CDC20B: variants seen among roughly 807,000 people sequenced by gnomAD.
CDC20B encodes cell division cycle 20B.
Under a neutral mutation model 64.1 loss-of-function variants are expected in CDC20B, and 58 were observed. The ratio of observed to expected loss-of-function variants is 0.90; its 90% confidence interval spans 0.73 to 1.13. The LOEUF (loss-of-function observed/expected upper bound fraction) is 1.13, where lower values mean the gene tolerates loss of function less well. Among genes scored for constraint, CDC20B ranks in the 50% most tolerant of loss-of-function variants. The pLI, the probability that CDC20B is intolerant of heterozygous loss-of-function variation, is 0.00. For synonymous variants in CDC20B, 243 were observed against 230.6 expected (o/e 1.05, Z -0.49); for missense variants, 597 against 633.0 (o/e 0.94, Z 0.61).
chr5:55,123,845 A>T (rs1255855344), intron 9 of CDC20B, among the ~76,000 whole-genome samples: 1 of 152,218 alleles, frequency 6.6e-6, no homozygotes, highest in African/African-American at 2.4e-5. Context: ...CATTCTCAAT[A>T]TCCTGTAGAC....
In CDC20B at chr5:55,114,114, AT is replaced by A. The variant is rs1160598791; in HGVS notation, c.*103del. ...AACAGGCATTCACATCAAGAAGAGT[AT>A]TTCAACTTGTTTGATACTCATAAAA... On this transcript the variant is annotated 3_prime_UTR_variant, in exon 12 of 12. Transcript: ENST00000381375. The surrounding 1 kb of genome is among the most constrained non-coding windows in gnomAD (Gnocchi z 4.1). The A allele has an allele frequency of 6.8e-7, 1 of 1,463,166 alleles. No individual in the cohort carries two copies. Among genetic ancestry groups the A allele is most frequent in the East Asian group, 2.6e-5 (1 of 38,876 alleles). 90.6% of individuals were successfully genotyped at this position (1,463,166 alleles called of 1,614,324 possible).
intron 2 of CDC20B, chr5:55,160,456 T>C: frequency 7.2e-7 from 1 of 1,385,194 alleles, no homozygotes; most frequent in Non-Finnish European, 1.0e-6. Context: ...TTTATTCCTC[T>C]TAATAAAATC....
chr5:55,146,783 G>C lies in CDC20B; in HGVS notation c.200C>G (p.Pro67Arg). 1 of 1,614,152 alleles carries C rather than the reference G, an allele frequency of 6.2e-7. No homozygotes were observed. ...TGTGGTAATGGGGCTACTCGCAACAGGAACCTCTGCGGACAGCCTCTTCGC... is the reference window on the plus strand; with the variant it reads ...TGTGGTAATGGGGCTACTCGCAACACGAACCTCTGCGGACAGCCTCTTCGC... ...NFAKRLSAEVPVASSPITTRW... is the reference protein window; with the variant it reads ...NFAKRLSAEVRVASSPITTRW... The change falls in exon 3 of 12, where the codon CCT (proline) becomes CGT (arginine). Residue 67 changes from proline to arginine, a missense_variant. Around this residue, in one of 3 missense-constraint regions of CDC20B, gnomAD observed 241 missense variants for 219.2 expected, o/e 1.10. Transcript: ENST00000381375.
intron 2 of CDC20B, among the ~76,000 whole-genome samples, chr5:55,155,494 C>T (rs1743782998): frequency 6.6e-6 from 1 of 152,086 alleles, no homozygotes; most frequent in African/African-American, 2.4e-5. Context: ...TGAGTGTGTG[C>T]CGCTCCCACC....
At chr5:55,137,511 G>A (rs898470992) in intron 5 of CDC20B, 3 of 456,426 alleles carry the variant, frequency 6.6e-6, no homozygotes, top group African/African-American at 4.0e-5. Flanking sequence ...CTGTTTCATA[G>A]TTTAAGTTCC....
At chr5:55,156,377 T>G (rs949342351) in intron 2 of CDC20B, among the ~76,000 whole-genome samples, 2 of 152,206 alleles carry the variant, frequency 1.3e-5, no homozygotes, top group African/African-American at 2.4e-5. Flanking sequence ...TAAATAAATT[T>G]ATTCACCTAT....
chr5:55,129,022 C>A (rs1457556723), intron 6 of CDC20B, among the ~76,000 whole-genome samples: 2 of 152,162 alleles, frequency 1.3e-5, no homozygotes, highest in Non-Finnish European at 2.9e-5. Context: ...ACCAAAAACA[C>A]CACCCAGCTA....
intron 2 of CDC20B, chr5:55,160,299 A>T: frequency 6.2e-7 from 1 of 1,613,920 alleles, no homozygotes; most frequent in African/African-American, 1.3e-5. Flanking sequence ...TTTCTTCTAC[A>T]ACTAAAATTC....
At chr5:55,139,406 G>A (rs1455822432) in intron 5 of CDC20B, among the ~76,000 whole-genome samples, 1 of 152,290 alleles carries the variant, frequency 6.6e-6, no homozygotes, top group African/African-American at 2.4e-5. Context: ...AAAGCAGCCT[G>A]TTCAGCAGGC....
chr5:55,140,254 A>T (rs914588491), intron 5 of CDC20B, 60 bp downstream of exon 5: 8 of 925,056 alleles, frequency 8.6e-6, no homozygotes, highest in African/African-American at 3.4e-5. Flanking sequence ...GATTAGGAAG[A>T]AATGAAGGAG....
At chr5:55,154,104 C>T (rs901027185) in intron 2 of CDC20B, among the ~76,000 whole-genome samples, 5 of 152,148 alleles carry the variant, frequency 3.3e-5, no homozygotes, top group Non-Finnish European at 7.3e-5. Context: ...AGGATTCGAA[C>T]CCTGAGTTCA....
chr5:55,160,460 T>TA, intron 2 of CDC20B: 2 of 1,351,094 alleles, frequency 1.5e-6, no homozygotes, highest in Non-Finnish European at 2.1e-6. Context: ...TTCCTCTTAA[T>TA]AAAATCAATT....
At position 55,143,567 on chromosome 5, in the gene CDC20B, C is replaced by T. The variant is rs775678600; in HGVS notation, c.432G>A (p.Lys144=). 6.2e-7 allele frequency: 1 copy of T among 1,610,980 alleles called. No individual in the cohort carries two copies. The highest frequency in any genetic ancestry group is 8.5e-7 in the Non-Finnish European group (1 of 1,178,176). Residue 144 remains lysine, a synonymous_variant, in exon 4 of 12, where the codon AAG becomes AAA. Coordinates refer to ENST00000381375, the MANE Select transcript of CDC20B (RefSeq NM_001170402.1). ...ETSNSALHFC[K]APHAMDRDWK... is the part of the protein sequence containing the mutation. ...AGTCTCTGTCCATTGCATGAGGTGC[C>T]TTGCAAAAATGGAGAGCAGAGTTAC... is the stretch of plus-strand genomic sequence containing the variant.
At chr5:55,151,670 A>G (rs1275319370) in intron 2 of CDC20B, among the ~76,000 whole-genome samples, 1 of 152,160 alleles carries the variant, frequency 6.6e-6, no homozygotes, top group Admixed American at 6.5e-5. Flanking sequence ...TGATTCGTCT[A>G]CCGTCACTCT....
intron 6 of CDC20B, 39 bp downstream of exon 6, chr5:55,133,373 C>T (rs913985032): frequency 9.3e-7 from 1 of 1,080,666 alleles, no homozygotes; most frequent in Middle Eastern, 2.1e-4. Context: ...TGCATTTTGT[C>T]ATTTCAACTT....
At chr5:55,171,007 G>A (rs951131125) in intron 2 of CDC20B, among the ~76,000 whole-genome samples, 2 of 152,186 alleles carry the variant, frequency 1.3e-5, no homozygotes, top group Admixed American at 1.3e-4. Flanking sequence ...CAGTACAAAT[G>A]AATTTTAAAA....
At chr5:55,171,375 AAG>A (rs2111620832) in intron 2 of CDC20B, among the ~76,000 whole-genome samples, 1 of 152,322 alleles carries the variant, frequency 6.6e-6, no homozygotes, top group African/African-American at 2.4e-5. Context: ...TACTGATCCA[AAG>A]ACTACTTGTC....
intron 6 of CDC20B, among the ~76,000 whole-genome samples, chr5:55,131,540 G>A (rs1261728695): frequency 6.6e-6 from 1 of 152,086 alleles, no homozygotes. Flanking sequence ...CAAGAAGGAG[G>A]GATTGATCAG....
At chr5:55,128,848 ATATAT>A (rs760693340) in intron 6 of CDC20B, among the ~76,000 whole-genome samples, 159 of 152,354 alleles carry the variant, frequency 1.0e-3, no homozygotes, top group Non-Finnish European at 1.6e-3. Context: ...TTACACTGAA[ATATAT>A]TTATTTAGAG....
Sources: allele counts gnomAD v4.1 joint callset (sites outside exome capture counted in the v4.1 genomes callset), GRCh38; gene constraint gnomAD v4.1.1; regional missense constraint gnomAD v4.1.1; non-coding constraint Gnocchi (gnomAD v3.1); transcripts MANE v1.5; gene names NCBI Gene and HGNC (gene_info 2026-07-23, HGNC 2026-07-21).